Variants in CFAP54 observed in about 807,000 individuals in gnomAD.
CFAP54 encodes the protein cilia and flagella associated protein 54.
A neutral mutation model predicts 370.4 loss-of-function variants in CFAP54; 290 were observed. The ratio of observed to expected loss-of-function variants is 0.78; its 90% confidence interval spans 0.71 to 0.86. The LOEUF (loss-of-function observed/expected upper bound fraction) is 0.86, where lower values mean the gene tolerates loss of function less well. Among genes scored for constraint, CFAP54 ranks in the 40% least tolerant of loss-of-function variants. The pLI is 0.00. For missense variants in CFAP54, 3,399 were observed against 3,528.7 expected (o/e 0.96, Z 0.93); for synonymous variants, 1,206 against 1,236.5 (o/e 0.98, Z 0.52).
At chr12:96,684,940 G>T (rs980716723) in intron 41 of CFAP54, 89 bp from the exon 42 acceptor site, 4 of 1,228,552 alleles carry the variant, frequency 3.3e-6, no homozygotes, top group Non-Finnish European at 4.7e-6. Context: ...AATTGACGTT[G>T]CTTCGGTGTA....
chr12:96,858,785 GA>G (rs1459445263), intron 66 of CFAP54, among the ~76,000 whole-genome samples: 20 of 152,288 alleles, frequency 1.3e-4, no homozygotes, highest in African/African-American at 4.3e-4. Context: ...TCATTGAAAT[GA>G]AGAATCAATA....
At chr12:96,813,831 G>A (rs1005109471) in intron 64 of CFAP54, among the ~76,000 whole-genome samples, 11 of 152,218 alleles carry the variant, frequency 7.2e-5, no homozygotes, top group African/African-American at 2.4e-4. Context: ...CTTGTTTGTA[G>A]TGCCAAGGTT....
rs1315822018 is a variant in CFAP54 at position 96,755,936 on chromosome 12, G to T, written c.7841-522G>T. On this transcript the variant is annotated intron_variant, in intron 56 of 67. Transcript: ENST00000524981. ...CCTCCTCAGCCTCCCAAAGTGCTGG[G>T]ATTACAAGCGTGAGCCACCACGGCC... Among the ~76,000 whole-genome samples the T allele has an allele frequency of 4.7e-5, 7 of 147,802 alleles. No individual in the cohort carries two copies. In the East Asian group the frequency reaches 1.4e-3, roughly 29 times the overall value.
chr12:96,751,643 C>T (rs1958183870), intron 55 of CFAP54, among the ~76,000 whole-genome samples: 1 of 152,026 alleles, frequency 6.6e-6, no homozygotes, highest in African/African-American at 2.4e-5. Context: ...TTGTGCTGAA[C>T]AAATTAGCAT....
At chr12:96,681,006 C>T (rs989604199) in intron 40 of CFAP54, among the ~76,000 whole-genome samples, 4 of 152,060 alleles carry the variant, frequency 2.6e-5, no homozygotes, top group South Asian at 2.1e-4. Context: ...TCACTTGAAC[C>T]GGCGGGGCAG....
At chr12:96,703,241 T>C (rs1592716264) in intron 46 of CFAP54, among the ~76,000 whole-genome samples, 2 of 152,146 alleles carry the variant, frequency 1.3e-5, no homozygotes, top group Non-Finnish European at 2.9e-5. Context: ...GAAAGCTAGA[T>C]AGGGGAAAAC....
At chr12:96,524,437 T>A (rs1232010686) in intron 8 of CFAP54, among the ~76,000 whole-genome samples, 1 of 152,204 alleles carries the variant, frequency 6.6e-6, no homozygotes, top group African/African-American at 2.4e-5. Flanking sequence ...CAGTAAATAT[T>A]AGCTATCATT....
intron 19 of CFAP54, among the ~76,000 whole-genome samples, chr12:96,572,610 A>C (rs889933687): frequency 6.6e-6 from 1 of 152,166 alleles, no homozygotes; most frequent in African/African-American, 2.4e-5. Context: ...TTGAAGGACT[A>C]GAAGACTGGA....
intron 67 of CFAP54, among the ~76,000 whole-genome samples, chr12:96,863,807 T>C (rs1959938785): frequency 6.6e-6 from 1 of 152,230 alleles, no homozygotes; most frequent in Non-Finnish European, 1.5e-5. Flanking sequence ...AGCACTTTTT[T>C]TTTTTTACTT....
rs938070657 is a variant in CFAP54 at position 96,728,887 on chromosome 12, C to T, written c.6965+8322C>T. Among the ~76,000 whole-genome samples the T allele has an allele frequency of 1.8e-3, 281 of 152,270 alleles. 3 individuals carry two copies. Among genetic ancestry groups the T allele is most frequent in the Non-Finnish European group, 2.6e-3 (179 of 68,026 alleles). On this transcript the variant is annotated intron_variant, in intron 50 of 67. Transcript: ENST00000524981. ...ATGTCCTTTCTGTTTGTTAGTTTTC[C>T]TTCTAACAGACAGGACCCTCAGCTG...
At chr12:96,490,184 A>G (rs190542198) in intron 1 of CFAP54, among the ~76,000 whole-genome samples, 2 of 152,346 alleles carry the variant, frequency 1.3e-5, no homozygotes, top group Admixed American at 1.3e-4. Flanking sequence ...ATAACTCACC[A>G]TTTGTTATTT....
In CFAP54 at chr12:96,621,713, C is replaced by A. The variant is rs1310192324; in HGVS notation, c.3763C>A (p.Pro1255Thr). Reference protein sequence around the residue: ...FDGSNEQEEMPEEDSSKKSLK... With the variant: ...FDGSNEQEEMTEEDSSKKSLK... Reference sequence around the variant, plus strand: ...TGGTAGTAATGAACAAGAAGAAATGCCAGAGGAGGTAATTGTTTTTGTTTC... The same window carrying A: ...TGGTAGTAATGAACAAGAAGAAATGACAGAGGAGGTAATTGTTTTTGTTTC... The change falls in exon 27 of 68, where the codon CCA becomes ACA. Residue 1255 changes from proline (P) to threonine (T), a missense_variant. Pro to Thr is a conservative substitution (Grantham distance 38). Around this residue, in one of 3 missense-constraint regions of CFAP54, gnomAD observed 2,796 missense variants for 2,869.7 expected, o/e 0.97. Coordinates refer to ENST00000524981, the MANE Select transcript of CFAP54 (RefSeq NM_001306084.2). 3.5e-5 allele frequency: 53 copies of A among 1,521,196 alleles called. No homozygotes were observed. The highest frequency in any genetic ancestry group is 4.5e-5 in the Non-Finnish European group (51 of 1,139,582). The allele number at this position is 1,521,196 out of a possible 1,614,324, so 94.2% of individuals were successfully genotyped here. A position where few individuals can be genotyped will look rare whatever the true frequency, so the allele number is the denominator to read the frequency against.
intron 58 of CFAP54, among the ~76,000 whole-genome samples, chr12:96,763,206 G>T (rs140998535): frequency 1.5e-3 from 223 of 151,908 alleles, no homozygotes; most frequent in African/African-American, 5.1e-3. Context: ...CTGTAGCATT[G>T]ACTTTCTATG....
chr12:96,688,604 T>C (rs541560326), intron 42 of CFAP54, among the ~76,000 whole-genome samples: 18 of 152,340 alleles, frequency 1.2e-4, no homozygotes, highest in African/African-American at 4.1e-4. Context: ...AAAATTTGTT[T>C]ATAAAGTAGT....
chr12:96,588,995 G>A (rs1956100104), intron 22 of CFAP54, among the ~76,000 whole-genome samples: 1 of 152,194 alleles, frequency 6.6e-6, no homozygotes, highest in Non-Finnish European at 1.5e-5. Context: ...GTCAGAACCA[G>A]AAAAGAATGA....
chr12:96,654,655 T>A (rs1956901762), intron 36 of CFAP54, among the ~76,000 whole-genome samples: 2 of 152,130 alleles, frequency 1.3e-5, no homozygotes, highest in African/African-American at 4.8e-5. Context: ...ACTGCTCCTT[T>A]AACTCACTCA....
intron 32 of CFAP54, 87 bp downstream of exon 32, chr12:96,630,738 TGG>T: frequency 2.8e-6 from 2 of 715,786 alleles, no homozygotes; most frequent in Non-Finnish European, 4.1e-6. Flanking sequence ...GATACACTGG[TGG>T]ACCAGACAGG....
At chr12:96,614,833 A>G in intron 26 of CFAP54, among the ~76,000 whole-genome samples, 1 of 152,240 alleles carries the variant, frequency 6.6e-6, no homozygotes, top group East Asian at 1.9e-4. Context: ...AAGGAGAACT[A>G]CAAACCACTG....
intron 1 of CFAP54, among the ~76,000 whole-genome samples, chr12:96,493,535 C>T (rs572962792): frequency 2.4e-4 from 36 of 152,070 alleles, no homozygotes; most frequent in Non-Finnish European, 3.8e-4. Flanking sequence ...CAGCTGGGTG[C>T]GGTGGCTCAC....
Sources: allele counts gnomAD v4.1 joint callset (sites outside exome capture counted in the v4.1 genomes callset), GRCh38; gene constraint gnomAD v4.1.1; regional missense constraint gnomAD v4.1.1; transcripts MANE v1.5; gene names NCBI Gene and HGNC (gene_info 2026-07-23, HGNC 2026-07-21).